ATP10B: variants seen among roughly 807,000 people sequenced by gnomAD.
The protein encoded by ATP10B is ATPase phospholipid transporting 10B (putative).
ATP10B carries 122 observed loss-of-function variants against 141.2 expected under a neutral mutation model. The ratio of observed to expected loss-of-function variants is 0.86; its 90% CI spans 0.75 to 1.00. ATP10B has a LOEUF of 1.00. ATP10B is among the 50% of genes least tolerant of loss of function. The probability of loss-of-function intolerance (pLI) is 0.00; values close to 1 mark genes in which losing one functional copy is unlikely to be tolerated. For synonymous variants in ATP10B, 685 were observed against 692.0 expected (o/e 0.99, Z 0.16); for missense variants, 1,876 against 1,825.3 (o/e 1.03, Z -0.51).
intron 1 of ATP10B, among the ~76,000 whole-genome samples, chr5:160,789,311 A>AT (rs75432273): frequency 0.034 from 5,200 of 152,186 alleles, 268 homozygotes; most frequent in East Asian, 0.25. Flanking sequence ...TCATTAGGTG[A>AT]TTTTTTTATT....
At chr5:160,890,532 A>G in the ATP10B span, among the ~76,000 whole-genome samples, 1 of 148,338 alleles carries the variant, frequency 6.7e-6, no homozygotes, top group African/African-American at 2.5e-5. Flanking sequence ...AAGTGCTATT[A>G]TATAACATGT....
At chr5:160,680,839 T>G (rs970657100) in intron 6 of ATP10B, among the ~76,000 whole-genome samples, 3 of 152,150 alleles carry the variant, frequency 2.0e-5, no homozygotes, top group African/African-American at 7.2e-5. Flanking sequence ...GCCACTGAGA[T>G]GTGAGGAGGC....
At chr5:160,738,544 T>G (rs1292286037) in intron 2 of ATP10B, among the ~76,000 whole-genome samples, 2 of 152,072 alleles carry the variant, frequency 1.3e-5, no homozygotes, top group African/African-American at 4.8e-5. Flanking sequence ...AGAAATAAAA[T>G]ACTGATATCG....
At chr5:160,568,531 C>CT (rs1204302684) in intron 25 of ATP10B, among the ~76,000 whole-genome samples, 22 of 152,190 alleles carry the variant, frequency 1.4e-4, no homozygotes, top group African/African-American at 5.1e-4. Flanking sequence ...GAGGCTAAGT[C>CT]TTTCCTATGG....
intron 2 of ATP10B, among the ~76,000 whole-genome samples, chr5:160,763,671 A>ACCAAAC (rs926855193): frequency 3.3e-5 from 5 of 152,156 alleles, no homozygotes; most frequent in African/African-American, 1.2e-4. Context: ...ACAAGAACAA[A>ACCAAAC]CCAAACCCAA....
chr5:160,850,180 C>T (rs774050964), intron 1 of ATP10B, among the ~76,000 whole-genome samples: 9 of 151,884 alleles, frequency 5.9e-5, no homozygotes, highest in Non-Finnish European at 8.8e-5. Flanking sequence ...AGGCTGTGGG[C>T]GGATCACCTG....
At chr5:160,589,725 C>T in intron 23 of ATP10B, 29 bp from the exon 24 acceptor site, 1 of 1,535,818 alleles carries the variant, frequency 6.5e-7, no homozygotes, top group Non-Finnish European at 9.0e-7. Flanking sequence ...CAGGCATTGT[C>T]AGGTATGTCT....
the ATP10B span, among the ~76,000 whole-genome samples, chr5:160,873,842 T>C: frequency 7.9e-5 from 12 of 152,164 alleles, no homozygotes; most frequent in Non-Finnish European, 1.5e-4. Context: ...TAAAAAATGG[T>C]GCACCACGAG....
chr5:160,743,555 T>G (rs1767618599), intron 2 of ATP10B, among the ~76,000 whole-genome samples: 1 of 152,166 alleles, frequency 6.6e-6, no homozygotes, highest in African/African-American at 2.4e-5. Context: ...TAAGCTAATT[T>G]TTTTTTAGCA....
At chr5:160,922,756 G>C in the ATP10B span, among the ~76,000 whole-genome samples, 1 of 152,164 alleles carries the variant, frequency 6.6e-6, no homozygotes, top group East Asian at 1.9e-4. Flanking sequence ...CTATGTACTT[G>C]GAAGCTGCTC....
At chr5:160,603,876 C>T (rs1757232356) in intron 20 of ATP10B, 89 bp downstream of exon 20, 2 of 1,156,988 alleles carry the variant, frequency 1.7e-6, no homozygotes, top group South Asian at 2.6e-5. Context: ...GGTGGAAGTT[C>T]TCAGGGAGAA....
At chr5:160,607,463 T>C (rs1757458227) in intron 18 of ATP10B, among the ~76,000 whole-genome samples, 1 of 152,208 alleles carries the variant, frequency 6.6e-6, no homozygotes, top group Admixed American at 6.5e-5. Context: ...CCTTTGTTCC[T>C]CAGAACATTC....
At chr5:160,670,764 ACCAAGTCAG>A in intron 6 of ATP10B, 97 bp from the exon 7 acceptor site, 1 of 1,082,968 alleles carries the variant, frequency 9.2e-7, no homozygotes, top group Non-Finnish European at 1.4e-6. Flanking sequence ...CTAACTATCC[ACCAAGTCAG>A]CCTGTCATGA....
intron 7 of ATP10B, among the ~76,000 whole-genome samples, chr5:160,667,089 G>A (rs1270139785): frequency 6.6e-6 from 1 of 152,114 alleles, no homozygotes; most frequent in South Asian, 2.1e-4. Flanking sequence ...GTGGTGGCCG[G>A]CACCTGTAGT....
intron 15 of ATP10B, 102 bp from the exon 16 acceptor site, chr5:160,618,075 GA>G: frequency 1.1e-6 from 1 of 947,342 alleles, no homozygotes; most frequent in Non-Finnish European, 1.7e-6. Flanking sequence ...AAATACTTTA[GA>G]GAAGGAATCC....
At chr5:160,597,390 T>G (rs1459673916) in intron 22 of ATP10B, among the ~76,000 whole-genome samples, 2 of 152,082 alleles carry the variant, frequency 1.3e-5, no homozygotes, top group East Asian at 1.9e-4. Context: ...ATACAAAAAT[T>G]AATTCAAGAT....
At chr5:160,871,298 G>T in the ATP10B span, among the ~76,000 whole-genome samples, 1 of 152,004 alleles carries the variant, frequency 6.6e-6, no homozygotes, top group Non-Finnish European at 1.5e-5. Context: ...GAACAGAAGG[G>T]AGGGAATTAG....
chr5:160,652,985 C>A (rs372401458), intron 7 of ATP10B, among the ~76,000 whole-genome samples: 12 of 43,102 alleles, frequency 2.8e-4, no homozygotes, highest in Non-Finnish European at 6.0e-4. Context: ...TATATACATA[C>A]ATATTTATAT....
intron 2 of ATP10B, among the ~76,000 whole-genome samples, chr5:160,719,029 G>C (rs973590500): frequency 3.9e-5 from 6 of 152,162 alleles, no homozygotes; most frequent in Non-Finnish European, 7.3e-5. Context: ...GAGTTCTTTG[G>C]ACTGGGACGG....
Sources: gnomAD v4.1 joint callset for allele counts (sites outside exome capture counted in the v4.1 genomes callset) on GRCh38, gnomAD v4.1.1 for gene constraint, MANE v1.5 for transcripts, NCBI Gene and HGNC (gene_info 2026-07-23, HGNC 2026-07-21) for gene names.